The following CACNA1H variants were observed in gnomAD, a reference collection of about 807,000 sequenced individuals.
CACNA1H encodes calcium voltage-gated channel subunit alpha1 H.
Under a neutral mutation model 192.5 loss-of-function variants are expected in CACNA1H, and 149 were observed. That is an observed-to-expected ratio of 0.77 (90% CI 0.68 to 0.89). CACNA1H has a LOEUF of 0.89. Among genes scored for constraint, CACNA1H ranks in the 40% least tolerant of loss-of-function variants. CACNA1H has a pLI of 0.00. For synonymous variants in CACNA1H, 2,202 were observed against 1,475.2 expected (o/e 1.49, Z -11.29); for missense variants, 4,257 against 3,423.5 (o/e 1.24, Z -6.08).
rs572604275 is a variant in CACNA1H, at chr16:1,156,210, TG to T, written c.299+2180del. Among the ~76,000 whole-genome samples, 475 of 152,256 alleles carry T rather than the reference TG, an allele frequency of 3.1e-3. 2 individuals carry two copies. The highest frequency in any genetic ancestry group is 4.9e-3 in the Non-Finnish European group (333 of 67,986). The stretch of plus-strand genomic sequence containing the variant: ...GCTCTCCCAGCTCCAAACGCAGTGA[TG>T]GGGGGTGTCCCCACTCCAGGAGACA... On this transcript the variant is annotated intron_variant, in intron 2 of 34. Transcript: ENST00000348261.
chr16:1,200,022 C>T (rs576346553), intron 6 of CACNA1H, among the ~76,000 whole-genome samples: 3 of 152,158 alleles, frequency 2.0e-5, no homozygotes, highest in Non-Finnish European at 4.4e-5. Context: ...GTTTCTGCAG[C>T]ACCACTGTGT....
In CACNA1H at chr16:1,210,605, C is replaced by T; in HGVS notation, c.3992C>T (p.Ser1331Phe). 2 of 1,608,086 alleles carry T rather than the reference C, an allele frequency of 1.2e-6. No homozygotes were observed. The highest frequency in any genetic ancestry group is 8.5e-7 in the Non-Finnish European group (1 of 1,179,802). ...CAGGAGCGGGTCTTCCTCAGCGTCT[C>T]CAATTACATCTTCACGGCCATCTTC... is the stretch of plus-strand genomic sequence containing the variant. ...GSTERVFLSVSNYIFTAIFVA... is the reference protein window; with the variant it reads ...GSTERVFLSVFNYIFTAIFVA... The change falls in exon 20 of 35, where the codon TCC (serine) becomes TTC (phenylalanine). Residue 1331 changes from serine to phenylalanine, a missense_variant. By Grantham distance (155) the Ser-to-Phe change is radical. Transcript: ENST00000348261.
rs542292122 is a variant in CACNA1H, at chr16:1,197,092, G to C, written c.643+1069G>C. ...CCCATGGGGCCTCTGGCTTCCCGAA[G>C]GGCAGGTGGGTCATCCTCGTGCCGC... is the stretch of plus-strand genomic sequence containing the variant. On this transcript the variant is annotated intron_variant, in intron 5 of 34. Coordinates refer to ENST00000348261, the MANE Select transcript of CACNA1H (RefSeq NM_021098.3). 3.9e-5 allele frequency among the ~76,000 whole-genome samples: 6 copies of C among 152,328 alleles called. No homozygotes were observed. The South Asian group carries it at 1.0e-3, about 26-fold the overall frequency.
At chr16:1,192,045 GTCT>G (rs937903945) in intron 2 of CACNA1H, among the ~76,000 whole-genome samples, 31 of 152,382 alleles carry the variant, frequency 2.0e-4, no homozygotes, top group Non-Finnish European at 1.2e-4. Flanking sequence ...CCCCTCTATG[GTCT>G]TCTGCTGTGT....
intron 2 of CACNA1H, 24 bp downstream of exon 2, chr16:1,154,060 G>T (rs1241125817): frequency 1.1e-6 from 1 of 934,568 alleles, no homozygotes; most frequent in Non-Finnish European, 1.4e-6. Flanking sequence ...CCGGCGGGGG[G>T]CGGGGGGCGG....
chr16:1,162,650 G>T (rs892528270), intron 2 of CACNA1H, among the ~76,000 whole-genome samples: 24 of 151,440 alleles, frequency 1.6e-4, no homozygotes, highest in African/African-American at 3.9e-4. Context: ...GGGGGGGGGG[G>T]GTCCATCCTA....
chr16:1,165,037 TG>T (rs1269336355), intron 2 of CACNA1H, among the ~76,000 whole-genome samples: 13 of 151,950 alleles, frequency 8.6e-5, no homozygotes, highest in African/African-American at 3.1e-4. Context: ...GAAGGACACC[TG>T]TGCAGGGGTG....
intron 2 of CACNA1H, among the ~76,000 whole-genome samples, chr16:1,163,112 T>C (rs909966220): frequency 1.3e-5 from 2 of 152,212 alleles, no homozygotes; most frequent in Non-Finnish European, 2.9e-5. Context: ...TGAGGCAGCC[T>C]GCAGAAAGGT....
At position 1,218,348 on chromosome 16, in the gene CACNA1H, C is replaced by A; in HGVS notation, c.5584C>A (p.His1862Asn). Residue 1862 changes from histidine (H) to asparagine (N), a missense_variant, in exon 33 of 35, where the codon CAC becomes AAC. Physicochemically the swap from His to Asn is moderately conservative, Grantham distance 68 (BLOSUM62 1). Coordinates refer to ENST00000348261, the MANE Select transcript of CACNA1H (RefSeq NM_021098.3). ...VNVVVAVLMK[H>N]LEESNKEARE... is the part of the protein sequence containing the mutation. ...CGTGGTGGTGGCCGTGCTCATGAAG[C>A]ACCTGGAGGAGAGCAACAAGGAGGC... 6.4e-7 allele frequency: 1 copy of A among 1,562,086 alleles called. No homozygotes were observed.
In CACNA1H at chr16:1,219,145, TG is replaced by T. The variant is rs3833845; in HGVS notation, c.6048+17del. ...TCTGCAGACAGGTAGGAGAAGCCGTTGGCCTGCAGCAGAGGCTGGCGGGGAT... is the reference window on the plus strand; with the variant it reads ...TCTGCAGACAGGTAGGAGAAGCCGTTGCCTGCAGCAGAGGCTGGCGGGGAT... On this transcript the variant is annotated intron_variant, in intron 34 of 34. Transcript: ENST00000348261. 0.088 allele frequency: 132,807 copies of T among 1,516,918 alleles called. 6,324 individuals are homozygous for T. Among genetic ancestry groups the T allele is most frequent in the African/African-American group, 0.14 (10,249 of 72,384 alleles). 94.0% of individuals were successfully genotyped at this position (1,516,918 alleles called of 1,614,324 possible).
chr16:1,207,128 G>A lies in CACNA1H; in HGVS notation c.2907+10G>A, dbSNP rs781264742. 4.4e-5 allele frequency: 69 copies of A among 1,574,538 alleles called. No individual in the cohort carries two copies. The highest frequency in any genetic ancestry group is 5.1e-5 in the Non-Finnish European group (59 of 1,159,162). ...CGTCACCGTGTTCCAGGTAGTGCCCGGGGTCCCCGCAGCAGTGTTGGGTGC... is the reference window on the plus strand; with the variant it reads ...CGTCACCGTGTTCCAGGTAGTGCCCAGGGTCCCCGCAGCAGTGTTGGGTGC... On this transcript the variant is annotated intron_variant, in intron 13 of 34. Coordinates refer to ENST00000348261, the MANE Select transcript of CACNA1H (RefSeq NM_021098.3).
intron 26 of CACNA1H, among the ~76,000 whole-genome samples, chr16:1,212,854 C>G (rs1969623725): frequency 2.6e-5 from 4 of 152,206 alleles, no homozygotes; most frequent in Admixed American, 2.0e-4. Flanking sequence ...GCCGCGGGCC[C>G]TCTCCGGCTG....
chr16:1,205,147 A>G lies in CACNA1H; in HGVS notation c.2485A>G (p.Asn829Asp), dbSNP rs1160707601. Reference sequence around the variant, plus strand: ...GCTGACTAATGCTCTGGAGATCAGCAACATCGTGTTCACCAGCATGTTTGC... The same window carrying G: ...GCTGACTAATGCTCTGGAGATCAGCGACATCGTGTTCACCAGCATGTTTGC... ...EELTNALEISNIVFTSMFALE... is the reference protein window; with the variant it reads ...EELTNALEISDIVFTSMFALE... Residue 829 changes from asparagine (N) to aspartate (D), a missense_variant, in exon 11 of 35, where the codon AAC becomes GAC. Physicochemically the swap from Asn to Asp is conservative, Grantham distance 23. Transcript: ENST00000348261. The G allele has an allele frequency of 6.2e-7, 1 of 1,612,848 alleles. No homozygotes were observed. The highest frequency in any genetic ancestry group is 1.7e-5 in the Admixed American group (1 of 60,000).
At chr16:1,219,331 C>T (rs1970294439) in intron 34 of CACNA1H, among the ~76,000 whole-genome samples, 2 of 152,224 alleles carry the variant, frequency 1.3e-5, no homozygotes, top group Non-Finnish European at 2.9e-5. Context: ...GCCTGTGAGC[C>T]TGTGGCTACA....
chr16:1,205,026 A>C lies in CACNA1H; in HGVS notation c.2452-88A>C. 3.0e-6 allele frequency: 2 copies of C among 670,366 alleles called. 1 individual carries two copies. The allele number at this position is 670,366 out of a possible 1,614,324, so 41.5% of individuals were successfully genotyped here. A position where few individuals can be genotyped will look rare whatever the true frequency, so the allele number is the denominator to read the frequency against. ...CAGATCAGTGCCGGGGAGGGGTGGG[A>C]GCCACGGGTGGGGGCCCCAGATCAG... On this transcript the variant is annotated intron_variant, in intron 10 of 34. Coordinates refer to ENST00000348261, the MANE Select transcript of CACNA1H (RefSeq NM_021098.3).
chr16:1,200,842 C>A, intron 8 of CACNA1H, 34 bp downstream of exon 8: 1 of 1,515,462 alleles, frequency 6.6e-7, no homozygotes, highest in Non-Finnish European at 9.0e-7. Context: ...CCATGATGGG[C>A]CCTGGTGTTA....
chr16:1,170,448 G>A (rs772523381), intron 2 of CACNA1H, among the ~76,000 whole-genome samples: 1 of 152,228 alleles, frequency 6.6e-6, no homozygotes, highest in Non-Finnish European at 1.5e-5. Context: ...GAGAGAGACA[G>A]AGGCAGGGGA....
chr16:1,159,720 CAG>C lies in CACNA1H; in HGVS notation c.299+5687_299+5688del, dbSNP rs145810372. 4.0e-3 allele frequency: 618 copies of C among 152,662 alleles called. 3 individuals are homozygous for C. The highest frequency in any genetic ancestry group is 7.1e-3 in the Non-Finnish European group (482 of 68,236). The allele number at this position is 152,662 out of a possible 1,614,324, so 9.5% of individuals were successfully genotyped here. A position where few individuals can be genotyped will look rare whatever the true frequency, so the allele number is the denominator to read the frequency against. ...AGGGCAGGTGAGGGCCGCACAGGGACAGAGGCTGGGAGTGGGGAGCACTGGTG... is the reference window on the plus strand; with the variant it reads ...AGGGCAGGTGAGGGCCGCACAGGGACAGGCTGGGAGTGGGGAGCACTGGTG... On this transcript the variant is annotated intron_variant, in intron 2 of 34. Coordinates refer to ENST00000348261, the MANE Select transcript of CACNA1H (RefSeq NM_021098.3).
intron 2 of CACNA1H, among the ~76,000 whole-genome samples, chr16:1,171,864 G>A (rs938509307): frequency 2.0e-5 from 3 of 152,334 alleles, no homozygotes; most frequent in East Asian, 1.9e-4. Context: ...GGCTCTTCTC[G>A]CCCACAGACG....
Sources: gnomAD v4.1 joint callset for allele counts (sites outside exome capture counted in the v4.1 genomes callset) on GRCh38, gnomAD v4.1.1 for gene constraint, MANE v1.5 for transcripts, NCBI Gene and HGNC (gene_info 2026-07-23, HGNC 2026-07-21) for gene names.